POU2F3: variants seen among roughly 807,000 people sequenced by gnomAD.
The protein encoded by POU2F3 is POU class 2 homeobox 3, also known as POU domain, class 2, transcription factor 3.
A neutral mutation model predicts 59.2 loss-of-function variants in POU2F3; 23 were observed. The ratio of observed to expected loss-of-function variants is 0.39; its 90% CI spans 0.28 to 0.55. POU2F3 has a LOEUF of 0.55. Among genes scored for constraint, POU2F3 ranks in the 20% least tolerant of loss-of-function variants. POU2F3 has a pLI of 0.66. For synonymous variants in POU2F3, 190 were observed against 214.6 expected, an observed-to-expected ratio of 0.89 and a Z score of 1.00; for missense variants, 473 against 544.5, an observed-to-expected ratio of 0.87 and a Z score of 1.31.
At chr11:120,241,172 A>G (rs1938646954) in intron 1 of POU2F3, among the ~76,000 whole-genome samples, 1 of 152,242 alleles carries the variant, frequency 6.6e-6, no homozygotes, top group Non-Finnish European at 1.5e-5. Context: ...TGGAGGTCAC[A>G]GGGCCTGAGC....
At chr11:120,267,693 G>C (rs1369612594) in intron 2 of POU2F3, among the ~76,000 whole-genome samples, 1 of 152,136 alleles carries the variant, frequency 6.6e-6, no homozygotes, top group Non-Finnish European at 1.5e-5. Flanking sequence ...GGTGTTTCTT[G>C]AGCCTCTTAT....
At chr11:120,269,161 C>T in intron 2 of POU2F3, 49 bp from the exon 3 acceptor site, 1 of 1,472,096 alleles carries the variant, frequency 6.8e-7, no homozygotes, top group African/African-American at 1.4e-5. Flanking sequence ...ACCTTCAGCT[C>T]TTCCAAACCT....
intron 3 of POU2F3, among the ~76,000 whole-genome samples, chr11:120,291,834 A>G (rs1217849373): frequency 1.4e-5 from 2 of 144,750 alleles, no homozygotes; most frequent in Admixed American, 1.4e-4. Context: ...TTTGAGATGG[A>G]GTCTAGCTCT....
At chr11:120,262,935 C>CT (rs1939659805) in intron 2 of POU2F3, among the ~76,000 whole-genome samples, 1 of 151,110 alleles carries the variant, frequency 6.6e-6, no homozygotes, top group Non-Finnish European at 1.5e-5. Flanking sequence ...AATTTACTGT[C>CT]TTAACCATTT....
chr11:120,250,767 G>C (rs572070308), intron 2 of POU2F3, among the ~76,000 whole-genome samples: 3 of 152,260 alleles, frequency 2.0e-5, no homozygotes, highest in South Asian at 4.2e-4. Context: ...CTTGAGGTCA[G>C]GAGTTCAAGA....
chr11:120,250,307 A>T (rs935334419), intron 2 of POU2F3: 2 of 152,120 alleles, frequency 1.3e-5, no homozygotes, highest in Non-Finnish European at 2.9e-5. Context: ...TGTATAACCA[A>T]CATCTTTGGA....
At chr11:120,270,077 TAGAA>T (rs1328822596) in intron 3 of POU2F3, among the ~76,000 whole-genome samples, 2 of 152,114 alleles carry the variant, frequency 1.3e-5, no homozygotes, top group African/African-American at 4.8e-5. Context: ...AACACAAACT[TAGAA>T]AGCCTGGGTT....
chr11:120,282,389 C>G (rs1940604907), intron 3 of POU2F3, among the ~76,000 whole-genome samples: 1 of 152,250 alleles, frequency 6.6e-6, no homozygotes, highest in African/African-American at 2.4e-5. Flanking sequence ...GTCACAGTGG[C>G]TCATGCCTGT....
chr11:120,295,322 C>T (rs1941164691), intron 3 of POU2F3, among the ~76,000 whole-genome samples: 1 of 152,208 alleles, frequency 6.6e-6, no homozygotes, highest in South Asian at 2.1e-4. Context: ...CAGAGGAACC[C>T]TGCCACTTGC....
At chr11:120,299,483 G>A in intron 4 of POU2F3, 141 bp from the exon 5 acceptor site, 1 of 632,754 alleles carries the variant, frequency 1.6e-6, no homozygotes, top group Non-Finnish European at 2.8e-6. Flanking sequence ...TAGACACTGG[G>A]GATACACAGT....
In POU2F3 at chr11:120,317,209, T is replaced by G. The variant is rs1941811098; in HGVS notation, c.1136-20T>G. ...CAGCAGCATTATTTCCCCCTTGTTT[T>G]TGCCTCTCCTTATCCTCAGTAACGT... On this transcript the variant is annotated intron_variant, in intron 11 of 12. Coordinates refer to ENST00000543440, the MANE Select transcript of POU2F3 (RefSeq NM_014352.4). The G allele has an allele frequency of 6.2e-7, 1 of 1,613,536 alleles. No homozygotes were observed. The highest frequency in any genetic ancestry group is 1.7e-5 in the Admixed American group (1 of 60,004).
At chr11:120,295,883 T>C (rs1401803545) in intron 3 of POU2F3, among the ~76,000 whole-genome samples, 1 of 152,184 alleles carries the variant, frequency 6.6e-6, no homozygotes, top group African/African-American at 2.4e-5. Flanking sequence ...AATAGTCTCC[T>C]TAAGTGAGAG....
At chr11:120,316,017 C>T (rs1376950879) in intron 11 of POU2F3, among the ~76,000 whole-genome samples, 1 of 152,084 alleles carries the variant, frequency 6.6e-6, no homozygotes, top group Admixed American at 6.5e-5. Context: ...GGATTACAGG[C>T]GTGTGCCACC....
At chr11:120,289,306 C>T (rs1009027639) in intron 3 of POU2F3, among the ~76,000 whole-genome samples, 1 of 152,136 alleles carries the variant, frequency 6.6e-6, no homozygotes, top group Non-Finnish European at 1.5e-5. Context: ...CTCCAGTCTG[C>T]GCTGTTTGGG....
At chr11:120,249,837 A>AC in intron 2 of POU2F3, 1 of 152,294 alleles carries the variant, frequency 6.6e-6, no homozygotes, top group East Asian at 1.9e-4. Flanking sequence ...GACACGATTA[A>AC]CCCCATCTTC....
At chr11:120,275,496 G>A (rs947148219) in intron 3 of POU2F3, among the ~76,000 whole-genome samples, 24 of 152,180 alleles carry the variant, frequency 1.6e-4, no homozygotes, top group African/African-American at 5.3e-4. Context: ...AACTGCATAC[G>A]TAGGTGGCCT....
chr11:120,249,847 C>T (rs1265456967), intron 2 of POU2F3: 1 of 152,242 alleles, frequency 6.6e-6, no homozygotes, highest in Non-Finnish European at 1.5e-5. Flanking sequence ...ACCCCATCTT[C>T]ATTGATGAGG....
chr11:120,317,369 G>A lies in POU2F3; in HGVS notation c.1271+5G>A, dbSNP rs766790557. 1.9e-6 allele frequency: 3 copies of A among 1,614,166 alleles called. No homozygotes were observed. The highest frequency in any genetic ancestry group is 1.1e-5 in the South Asian group (1 of 91,080). On this transcript the variant is annotated splice_donor_5th_base_variant and intron_variant, in intron 12 of 12. Coordinates refer to ENST00000543440, the MANE Select transcript of POU2F3 (RefSeq NM_014352.4). ...CTCCAGTTTTAACTCTTCAGGGTAA[G>A]GTGAAGGGGACGGTGCAGAGACATC...
At chr11:120,264,543 A>G (rs1268879270) in intron 2 of POU2F3, among the ~76,000 whole-genome samples, 1 of 152,160 alleles carries the variant, frequency 6.6e-6, no homozygotes, top group African/African-American at 2.4e-5. Context: ...AGCATATGCA[A>G]AGTCCCCAAC....
Sources: allele counts gnomAD v4.1 joint callset (sites outside exome capture counted in the v4.1 genomes callset), GRCh38; gene constraint gnomAD v4.1.1; transcripts MANE v1.5; gene names NCBI Gene and HGNC (gene_info 2026-07-23, HGNC 2026-07-21).